Variants in ZC2HC1B observed in about 807,000 individuals in gnomAD.
ZC2HC1B encodes zinc finger C2HC domain-containing protein 1B.
A neutral mutation model predicts 31.0 loss-of-function variants in ZC2HC1B; 36 were observed. That is an observed-to-expected ratio of 1.16 (90% CI 0.89 to 1.54). The LOEUF (loss-of-function observed/expected upper bound fraction) is 1.54. Among genes scored for constraint, ZC2HC1B ranks in the 40% most tolerant of loss-of-function variants. ZC2HC1B has a pLI of 0.00. For synonymous variants in ZC2HC1B, 73 were observed against 88.0 expected (o/e 0.83, Z 0.95); for missense variants, 260 against 268.6 (o/e 0.97, Z 0.22).
intron 6 of ZC2HC1B, among the ~76,000 whole-genome samples, chr6:143,920,782 C>T (rs556136554): frequency 3.3e-5 from 5 of 151,972 alleles, no homozygotes; most frequent in Non-Finnish European, 7.4e-5. Flanking sequence ...GTGGGACGTG[C>T]CTGTAATCCC....
At chr6:143,896,246 C>T (rs1582961423) in intron 4 of ZC2HC1B, among the ~76,000 whole-genome samples, 1 of 152,190 alleles carries the variant, frequency 6.6e-6, no homozygotes, top group South Asian at 2.1e-4. Flanking sequence ...TTCAACTTTG[C>T]TGTCTCCATG....
At chr6:143,866,806 T>C (rs1363118068) in intron 1 of ZC2HC1B, among the ~76,000 whole-genome samples, 2 of 152,216 alleles carry the variant, frequency 1.3e-5, no homozygotes, top group Admixed American at 1.3e-4. Flanking sequence ...TTGTGAAACT[T>C]ACAGGAGAAT....
chr6:143,914,624 T>A (rs566158909), intron 6 of ZC2HC1B, among the ~76,000 whole-genome samples: 15 of 152,306 alleles, frequency 9.8e-5, no homozygotes, highest in East Asian at 5.8e-4. Context: ...TATGTATCTT[T>A]ATCTGGTTGG....
At position 143,918,591 on chromosome 6, in the gene ZC2HC1B, T is replaced by C. The variant is rs1182992523; in HGVS notation, c.598+15439T>C. ...TTTTTGAATGATTCTTAAATGTTTA[T>C]AGTCATGTCTTTTGTTAAATCTGGC... On this transcript the variant is annotated intron_variant, in intron 6 of 7. Coordinates refer to ENST00000237275, the MANE Select transcript of ZC2HC1B (RefSeq NM_001013623.3). The surrounding 1 kb of genome is among the most constrained non-coding windows in gnomAD (Gnocchi z 4.1). Among the ~76,000 whole-genome samples the C allele has an allele frequency of 6.6e-6, 1 of 152,238 alleles. No individual in the cohort carries two copies. Among genetic ancestry groups the C allele is most frequent in the Non-Finnish European group, 1.5e-5 (1 of 68,048 alleles).
chr6:143,912,886 C>T (rs1400281726), intron 6 of ZC2HC1B, among the ~76,000 whole-genome samples: 1 of 152,206 alleles, frequency 6.6e-6, no homozygotes, highest in African/African-American at 2.4e-5. Context: ...ACCCTTCAGG[C>T]ACTTTGTCCC....
intron 1 of ZC2HC1B, among the ~76,000 whole-genome samples, chr6:143,876,323 G>A (rs1026655661): frequency 2.0e-5 from 3 of 150,468 alleles, no homozygotes; most frequent in South Asian, 2.1e-4. Flanking sequence ...GTGGTCAAAG[G>A]TATTATGTAT....
rs769159556 is a variant in ZC2HC1B, at chr6:143,871,239, A to G, written c.28+6672A>G. ...TTACTACTTCTTGCTCACTGGATCC[A>G]GTCAGCATAATGTCATCAATGTAAT... On this transcript the variant is annotated intron_variant, in intron 1 of 7. Coordinates refer to ENST00000237275, the MANE Select transcript of ZC2HC1B (RefSeq NM_001013623.3). This position sits in a 1 kb window ranked among gnomAD's most constrained non-coding sequence, Gnocchi z 4.1. Among the ~76,000 whole-genome samples, 2 of 152,216 alleles carry G rather than the reference A, an allele frequency of 1.3e-5. No homozygotes were observed. Among genetic ancestry groups the G allele is most frequent in the Non-Finnish European group, 2.9e-5 (2 of 68,044 alleles).
chr6:143,931,861 CTTCTT>C (rs1778124938), intron 6 of ZC2HC1B, among the ~76,000 whole-genome samples: 2 of 81,496 alleles, frequency 2.5e-5, no homozygotes, highest in African/African-American at 1.1e-4. Flanking sequence ...TCTTCTTCTT[CTTCTT>C]TTTTTTTTTT....
chr6:143,868,304 C>A lies in ZC2HC1B; in HGVS notation c.28+3737C>A, dbSNP rs1483062867. Among the ~76,000 whole-genome samples the A allele has an allele frequency of 1.3e-5, 2 of 152,164 alleles. No homozygotes were observed. The highest frequency in any genetic ancestry group is 2.9e-5 in the Non-Finnish European group (2 of 68,028). On this transcript the variant is annotated intron_variant, in intron 1 of 7. Coordinates refer to ENST00000237275, the MANE Select transcript of ZC2HC1B (RefSeq NM_001013623.3). The surrounding 1 kb of genome is among the most constrained non-coding windows in gnomAD (Gnocchi z 4.2). The stretch of plus-strand genomic sequence containing the variant: ...GGGGAATTTATTAAGTATTAACTCA[C>A]AATCACAAGGTCCCACAATAGGCCG...
intron 4 of ZC2HC1B, among the ~76,000 whole-genome samples, chr6:143,888,084 G>A (rs1777552263): frequency 6.6e-6 from 1 of 152,120 alleles, no homozygotes; most frequent in South Asian, 2.1e-4. Context: ...CGATTTTTGT[G>A]TGTAATATAA....
At chr6:143,901,425 AC>A (rs1777737723) in intron 5 of ZC2HC1B, among the ~76,000 whole-genome samples, 1 of 149,998 alleles carries the variant, frequency 6.7e-6, no homozygotes, top group African/African-American at 2.5e-5. Context: ...ATGCCTGGCT[AC>A]CTTTTGTATT....
intron 1 of ZC2HC1B, among the ~76,000 whole-genome samples, chr6:143,874,297 C>T (rs915081519): frequency 6.6e-6 from 1 of 152,210 alleles, no homozygotes; most frequent in African/African-American, 2.4e-5. Flanking sequence ...TTGTCAAAGC[C>T]ATTCAACAAG....
chr6:143,906,932 T>C (rs2128495633), intron 6 of ZC2HC1B, among the ~76,000 whole-genome samples: 1 of 152,116 alleles, frequency 6.6e-6, no homozygotes, highest in East Asian at 1.9e-4. Context: ...TCTCCCTCCT[T>C]CCCCCCATTC....
rs780310960 is a variant in ZC2HC1B at position 143,902,785 on chromosome 6, C to A, written c.490-259C>A. ...CAACTAATTTTATAGGATAAATATA[C>A]CACCACCAACCCCAAGGGCTTAATT... On this transcript the variant is annotated intron_variant, in intron 5 of 7. Transcript: ENST00000237275. Among the ~76,000 whole-genome samples the A allele has an allele frequency of 1.7e-4, 26 of 152,198 alleles. No individual in the cohort carries two copies. In the South Asian group the frequency reaches 5.2e-3, roughly 30 times the overall value.
In ZC2HC1B at chr6:143,869,318, C is replaced by A. The variant is rs776027272; in HGVS notation, c.28+4751C>A. 6.6e-6 allele frequency among the ~76,000 whole-genome samples: 1 copy of A among 152,224 alleles called. No homozygotes were observed. Among genetic ancestry groups the A allele is most frequent in the Non-Finnish European group, 1.5e-5 (1 of 68,042 alleles). On this transcript the variant is annotated intron_variant, in intron 1 of 7. Transcript: ENST00000237275. The surrounding 1 kb of genome is among the most constrained non-coding windows in gnomAD (Gnocchi z 5.2). The stretch of plus-strand genomic sequence containing the variant: ...ACACGATCTTCTGGAGAACTTTACC[C>A]CAGCCCTTCAACGTATTGTCACCTA...
chr6:143,881,667 A>G (rs1232738950), intron 1 of ZC2HC1B: 1 of 150,834 alleles, frequency 6.6e-6, no homozygotes, highest in Non-Finnish European at 1.5e-5. Flanking sequence ...AAGGCATTTT[A>G]GAAGTCTCAA....
Position 143,884,379 on chromosome 6 carries a change from C to T in ZC2HC1B, c.90+14C>T. 1 of 1,529,994 alleles carries T rather than the reference C, an allele frequency of 6.5e-7. No individual in the cohort carries two copies. The highest frequency in any genetic ancestry group is 8.8e-7 in the Non-Finnish European group (1 of 1,130,796). 94.8% of individuals were successfully genotyped at this position (1,529,994 alleles called of 1,614,324 possible). A position where few individuals can be genotyped will look rare whatever the true frequency, so the allele number is the denominator to read the frequency against. ...GCAGATGTTCTGGTAAACATAAAGA[C>T]ATTTTGTAGATGTGTTTCATTGGAC... On this transcript the variant is annotated intron_variant, in intron 2 of 7. Transcript: ENST00000237275. This position sits in a 1 kb window ranked among gnomAD's most constrained non-coding sequence, Gnocchi z 5.1.
chr6:143,903,066 A>T lies in ZC2HC1B; in HGVS notation c.512A>T (p.Lys171Ile). Residue 171 changes from lysine (K) to isoleucine (I), a missense_variant, in exon 6 of 8, where the codon AAA (lysine) becomes ATA (isoleucine). Physicochemically the swap from Lys to Ile is moderately radical, Grantham distance 102 (BLOSUM62 -3). Coordinates refer to ENST00000237275, the MANE Select transcript of ZC2HC1B (RefSeq NM_001013623.3). The surrounding 1 kb of genome is among the most constrained non-coding windows in gnomAD (Gnocchi z 4.3). ...RAQGRAQMGPKKEPTVTSAVG... is the reference protein window; with the variant it reads ...RAQGRAQMGPIKEPTVTSAVG... The stretch of plus-strand genomic sequence containing the variant: ...TAGGGTAGGGCTCAGATGGGTCCAA[A>T]AAAAGAACCAACTGTTACCAGTGCT... The T allele has an allele frequency of 2.6e-6, 4 of 1,551,806 alleles. No homozygotes were observed. The highest frequency in any genetic ancestry group is 3.5e-6 in the Non-Finnish European group (4 of 1,147,002).
intron 6 of ZC2HC1B, among the ~76,000 whole-genome samples, chr6:143,935,674 T>G (rs75935611): frequency 0.022 from 2,604 of 120,206 alleles, 90 homozygotes; most frequent in East Asian, 0.19. Context: ...TTTTTTTTTT[T>G]GAGACAGGAT....
Sources: gnomAD v4.1 joint callset for allele counts (sites outside exome capture counted in the v4.1 genomes callset) on GRCh38, gnomAD v4.1.1 for gene constraint, Gnocchi (gnomAD v3.1) non-coding constraint, MANE v1.5 for transcripts, NCBI Gene and HGNC (gene_info 2026-07-23, HGNC 2026-07-21) for gene names.